ALPK1: variants seen among roughly 807,000 people sequenced by gnomAD.
ALPK1 encodes the protein alpha kinase 1.
A neutral mutation model predicts 120.6 loss-of-function variants in ALPK1; 110 were observed. That is an observed-to-expected ratio of 0.91 (90% CI 0.78 to 1.07). ALPK1 has a LOEUF of 1.07. Among genes scored for constraint, ALPK1 ranks in the 50% least tolerant of loss-of-function variants. ALPK1 has a pLI of 0.00. For missense variants in ALPK1, 1,498 were observed against 1,483.9 expected (o/e 1.01, Z -0.16); for synonymous variants, 582 against 560.3 (o/e 1.04, Z -0.55).
intron 2 of ALPK1, among the ~76,000 whole-genome samples, chr4:112,377,018 TA>T: frequency 6.6e-6 from 1 of 152,330 alleles, no homozygotes; most frequent in African/African-American, 2.4e-5. Flanking sequence ...ATCACACTAA[TA>T]TTTGCATAAG....
chr4:112,351,892 A>T (rs763584262), intron 2 of ALPK1, among the ~76,000 whole-genome samples: 4 of 152,256 alleles, frequency 2.6e-5, no homozygotes, highest in Admixed American at 2.0e-4. Flanking sequence ...TCAATAGACT[A>T]TGTTTACCAT....
intron 4 of ALPK1, chr4:112,384,223 A>G (rs1732050603): frequency 2.0e-5 from 3 of 152,316 alleles, no homozygotes; most frequent in East Asian, 1.9e-4. Context: ...TCCAACTCCA[A>G]TTCTCCATCA....
chr4:112,424,989 T>A (rs181689092), intron 6 of ALPK1: 2 of 152,154 alleles, frequency 1.3e-5, no homozygotes, highest in Non-Finnish European at 2.9e-5. Context: ...AGCCCTTTCA[T>A]CCACACACCC....
At chr4:112,424,961 A>C (rs1734171841) in intron 6 of ALPK1, 1 of 152,040 alleles carries the variant, frequency 6.6e-6, no homozygotes, top group Admixed American at 6.6e-5. Context: ...GATTAAAACA[A>C]ACAAACAAAC....
chr4:112,437,333 T>C (rs1231325197), intron 12 of ALPK1, among the ~76,000 whole-genome samples: 1 of 152,084 alleles, frequency 6.6e-6, no homozygotes, highest in Non-Finnish European at 1.5e-5. Flanking sequence ...CAGTTTACCA[T>C]GAACAAATCC....
At chr4:112,380,011 G>C (rs17044494) in intron 3 of ALPK1, among the ~76,000 whole-genome samples, 7,224 of 152,188 alleles carry the variant, frequency 0.047, 432 homozygotes, top group African/African-American at 0.14. Flanking sequence ...AAAATTCTAT[G>C]AACCCAGAAA....
At chr4:112,342,259 G>A (rs536735547) in intron 2 of ALPK1, among the ~76,000 whole-genome samples, 4 of 152,272 alleles carry the variant, frequency 2.6e-5, no homozygotes, top group African/African-American at 9.6e-5. Flanking sequence ...GGACAAAGGG[G>A]TGTACAGTTT....
In ALPK1 at chr4:112,431,623, A is replaced by G. The variant is rs1320918003; in HGVS notation, c.2076A>G (p.Glu692=). The G allele has an allele frequency of 3.1e-6, 5 of 1,614,172 alleles. No individual in the cohort carries two copies. Among genetic ancestry groups the G allele is most frequent in the Non-Finnish European group, 4.2e-6 (5 of 1,180,022 alleles). Residue 692 remains glutamate (E), a synonymous_variant, in exon 11 of 16, where the codon GAA becomes GAG. Transcript: ENST00000650871. ...TGGCCCCTGGTGCAGGGCTTCTAGA[A>G]GGAGCTCCAGAAGGTATCCAGGAAG... The part of the protein sequence containing the change: ...IFLAPGAGLL[E]GAPEGIQEVR...
intron 2 of ALPK1, among the ~76,000 whole-genome samples, chr4:112,335,830 G>C (rs998237355): frequency 6.6e-6 from 1 of 152,140 alleles, no homozygotes; most frequent in Non-Finnish European, 1.5e-5. Context: ...GACAGGTGCA[G>C]GGCTTTCACA....
At position 112,441,852 on chromosome 4, in the gene ALPK1, C is replaced by G. The variant is rs943457821; in HGVS notation, c.*642C>G. 1.3e-5 allele frequency: 2 copies of G among 152,512 alleles called. No homozygotes were observed. The highest frequency in any genetic ancestry group is 6.5e-5 in the Admixed American group (1 of 15,286). 9.4% of individuals were successfully genotyped at this position (152,512 alleles called of 1,614,324 possible). ...GTACAGTTTTCTTTATCCAGTCTGT[C>G]CTTGATGGGCATTTAGGTAGACTGG... On this transcript the variant is annotated 3_prime_UTR_variant, in exon 16 of 16. Coordinates refer to ENST00000650871, the MANE Select transcript of ALPK1 (RefSeq NM_025144.4).
intron 2 of ALPK1, chr4:112,359,393 G>T: frequency 3.0e-6 from 1 of 332,702 alleles, no homozygotes; most frequent in South Asian, 3.7e-5. Context: ...TGGCTGCCCT[G>T]ACCACTGCGA....
At chr4:112,357,178 G>A in intron 2 of ALPK1, 2 of 1,545,802 alleles carry the variant, frequency 1.3e-6, no homozygotes, top group Non-Finnish European at 1.8e-6. Flanking sequence ...ACATCTTTGA[G>A]CTGTTTGCTG....
rs1226196057 is a variant in ALPK1, at chr4:112,304,844, T to C, written c.-153+7375T>C. Reference sequence around the variant, plus strand: ...TTGCCCATGCCTATGTCCTGAATGGTAATGCCTAGGTTTTCTTCTAGGGTT... The same window carrying C: ...TTGCCCATGCCTATGTCCTGAATGGCAATGCCTAGGTTTTCTTCTAGGGTT... On this transcript the variant is annotated intron_variant, in intron 1 of 15. Coordinates refer to ENST00000650871, the MANE Select transcript of ALPK1 (RefSeq NM_025144.4). 5.3e-5 allele frequency among the ~76,000 whole-genome samples: 8 copies of C among 152,140 alleles called. No homozygotes were observed. The East Asian group carries it at 1.5e-3, about 29-fold the overall frequency.
chr4:112,325,453 C>G (rs1729071642), intron 2 of ALPK1, among the ~76,000 whole-genome samples: 1 of 152,176 alleles, frequency 6.6e-6, no homozygotes, highest in Non-Finnish European at 1.5e-5. Context: ...AGGAATTAAG[C>G]TGAAATATTT....
intron 5 of ALPK1, among the ~76,000 whole-genome samples, chr4:112,419,632 A>G (rs537063008): frequency 6.6e-6 from 1 of 152,284 alleles, no homozygotes; most frequent in Admixed American, 6.5e-5. Flanking sequence ...AAAACTGCAG[A>G]TATTATTTCA....
chr4:112,345,007 T>A (rs1450301407), intron 2 of ALPK1, among the ~76,000 whole-genome samples: 1 of 152,244 alleles, frequency 6.6e-6, no homozygotes, highest in Non-Finnish European at 1.5e-5. Flanking sequence ...GAGATTTTCT[T>A]TCCCACTGTT....
intron 1 of ALPK1, among the ~76,000 whole-genome samples, chr4:112,315,539 C>T (rs1728598952): frequency 6.6e-6 from 1 of 152,102 alleles, no homozygotes; most frequent in Admixed American, 6.5e-5. Flanking sequence ...GAGGTTTGTC[C>T]CCAGTCAAGC....
chr4:112,368,065 G>A (rs13111058), intron 2 of ALPK1, among the ~76,000 whole-genome samples: 54,971 of 151,714 alleles, frequency 0.36, 10,247 homozygotes, highest in East Asian at 0.61. Flanking sequence ...ACCACCACGC[G>A]CACCACCACG....
At chr4:112,416,386 A>G (rs756038019) in intron 5 of ALPK1, among the ~76,000 whole-genome samples, 7 of 152,178 alleles carry the variant, frequency 4.6e-5, no homozygotes, top group Non-Finnish European at 1.0e-4. Context: ...AAATTATGGA[A>G]CTGGAAACTG....
Sources: allele counts gnomAD v4.1 joint callset (sites outside exome capture counted in the v4.1 genomes callset), GRCh38; gene constraint gnomAD v4.1.1; transcripts MANE v1.5; gene names NCBI Gene and HGNC (gene_info 2026-07-23, HGNC 2026-07-21).